Variants in CACNA1C observed in about 807,000 individuals in gnomAD.
CACNA1C encodes calcium voltage-gated channel subunit alpha1 C.
Under a neutral mutation model 229.0 loss-of-function variants are expected in CACNA1C, and 30 were observed. That is an observed-to-expected ratio of 0.13 (90% confidence interval 0.10 to 0.18). The LOEUF is 0.18. CACNA1C is among the 10% of genes least tolerant of loss of function. The pLI is 1.00. For synonymous variants in CACNA1C, 1,114 were observed against 1,132.5 expected, an observed-to-expected ratio of 0.98 and a Z score of 0.33; for missense variants, 1,658 against 2,845.0, an observed-to-expected ratio of 0.58 and a Z score of 9.49.
intron 3 of CACNA1C, among the ~76,000 whole-genome samples, chr12:2,424,484 T>C (rs2099009768): frequency 6.6e-6 from 1 of 152,192 alleles, no homozygotes; most frequent in Non-Finnish European, 1.5e-5. Context: ...TTTGGTGTCT[T>C]GGCTAAAAAT....
At chr12:2,565,212 T>G (rs561547756) in intron 11 of CACNA1C, among the ~76,000 whole-genome samples, 7 of 152,110 alleles carry the variant, frequency 4.6e-5, no homozygotes, top group South Asian at 2.1e-4. Flanking sequence ...CTCACGCCTG[T>G]AATCCCAGCA....
chr12:1,982,539 A>ATG (rs1467226370), intron 1 of CACNA1C, among the ~76,000 whole-genome samples: 5 of 62,678 alleles, frequency 8.0e-5, no homozygotes, highest in Non-Finnish European at 1.2e-4. Context: ...GTTGTACTAT[A>ATG]TATATAATTT....
At chr12:2,046,068 C>T (rs1445793580) in intron 1 of CACNA1C, among the ~76,000 whole-genome samples, 1 of 152,044 alleles carries the variant, frequency 6.6e-6, no homozygotes, top group Non-Finnish European at 1.5e-5. Context: ...AAGGGGTTCT[C>T]CCTGAGAGCC....
intron 3 of CACNA1C, among the ~76,000 whole-genome samples, chr12:2,368,553 AG>A (rs903876128): frequency 6.6e-6 from 1 of 152,264 alleles, no homozygotes; most frequent in Non-Finnish European, 1.5e-5. Context: ...AAATGTGCTT[AG>A]GGAAAATATT....
At chr12:2,507,980 T>TCAGCA in intron 8 of CACNA1C, among the ~76,000 whole-genome samples, 1 of 152,200 alleles carries the variant, frequency 6.6e-6, no homozygotes, top group East Asian at 1.9e-4. Context: ...ACAGAAGCAA[T>TCAGCA]CAGCACAGAC....
At chr12:2,185,570 A>G (rs935586262) in intron 3 of CACNA1C, among the ~76,000 whole-genome samples, 6 of 152,230 alleles carry the variant, frequency 3.9e-5, no homozygotes, top group Non-Finnish European at 8.8e-5. Context: ...ACTTGGACAC[A>G]GACACACATG....
rs998321654 is a variant in CACNA1C at position 2,689,151 on chromosome 12, G to A, written c.6117+372G>A. Among the ~76,000 whole-genome samples the A allele has an allele frequency of 2.0e-5, 3 of 152,164 alleles. No individual in the cohort carries two copies. The highest frequency in any genetic ancestry group is 6.5e-5 in the Admixed American group (1 of 15,278). On this transcript the variant is annotated intron_variant, in intron 46 of 46. Transcript: ENST00000399655. The surrounding 1 kb of genome is among the most constrained non-coding windows in gnomAD (Gnocchi z 4.2). ...ATCACCTGGGGAGCTTTGGAAACCC[G>A]GGACAGATTAACTGATGATTGTTAA...
At position 2,605,876 on chromosome 12, in the gene CACNA1C, C is replaced by G; in HGVS notation, c.3156+90C>G. The stretch of plus-strand genomic sequence containing the variant: ...ACTGGCAGATATAGTACAAACGAGA[C>G]AGTGTCCTGAGCCAGACTTGGCTTG... On this transcript the variant is annotated intron_variant, in intron 24 of 46. Coordinates refer to ENST00000399655, the MANE Select transcript of CACNA1C (RefSeq NM_000719.7). This position sits in a 1 kb window ranked among gnomAD's most constrained non-coding sequence, Gnocchi z 6.2. The G allele has an allele frequency of 1.1e-6, 1 of 914,304 alleles. No homozygotes were observed. The highest frequency in any genetic ancestry group is 1.3e-5 in the South Asian group (1 of 74,436). 56.6% of individuals were successfully genotyped at this position (914,304 alleles called of 1,614,324 possible).
chr12:2,506,857 C>T (rs2099772985), intron 8 of CACNA1C, among the ~76,000 whole-genome samples: 1 of 152,102 alleles, frequency 6.6e-6, no homozygotes, highest in South Asian at 2.1e-4. Context: ...GAGCAAGTAA[C>T]CCCCCACCAA....
intron 9 of CACNA1C, among the ~76,000 whole-genome samples, chr12:2,524,746 G>C (rs1364946608): frequency 6.6e-6 from 1 of 152,224 alleles, no homozygotes; most frequent in Non-Finnish European, 1.5e-5. Context: ...GGAGGCTTCA[G>C]CAGCCAGGCC....
rs2099767639 is a variant in CACNA1C, at chr12:2,504,608, T to C, written c.1114-234T>C. On this transcript the variant is annotated intron_variant, in intron 7 of 46. Transcript: ENST00000399655. The surrounding 1 kb of genome is among the most constrained non-coding windows in gnomAD (Gnocchi z 6.8). ...AAGGTCTCAGGTTCCACTCCGTACATGCCCGGGGTCCTCAGGGATGGGACC... is the reference window on the plus strand; with the variant it reads ...AAGGTCTCAGGTTCCACTCCGTACACGCCCGGGGTCCTCAGGGATGGGACC... The C allele has an allele frequency of 1.1e-6, 1 of 951,192 alleles. No homozygotes were observed. The highest frequency in any genetic ancestry group is 1.7e-6 in the Non-Finnish European group (1 of 579,222). The allele number at this position is 951,192 out of a possible 1,614,324, so 58.9% of individuals were successfully genotyped here. A position where few individuals can be genotyped will look rare whatever the true frequency, so the allele number is the denominator to read the frequency against.
chr12:2,486,340 C>A lies in CACNA1C; in HGVS notation c.916+78C>A. 8.0e-7 allele frequency: 1 copy of A among 1,248,622 alleles called. No homozygotes were observed. The highest frequency in any genetic ancestry group is 1.1e-6 in the Non-Finnish European group (1 of 887,222). 77.3% of individuals were successfully genotyped at this position (1,248,622 alleles called of 1,614,324 possible). On this transcript the variant is annotated intron_variant, in intron 6 of 46. Transcript: ENST00000399655. The surrounding 1 kb of genome is among the most constrained non-coding windows in gnomAD (Gnocchi z 4.9). ...GCACCTTTCCCGCTGCTGGCTACAC[C>A]AACATGACCAGCAGAGCCCAGGGAA... is the stretch of plus-strand genomic sequence containing the variant.
chr12:2,327,553 C>G (rs1418719225), intron 3 of CACNA1C, among the ~76,000 whole-genome samples: 1 of 152,218 alleles, frequency 6.6e-6, no homozygotes, highest in Non-Finnish European at 1.5e-5. Context: ...CAGACGACCT[C>G]CACACTCCAT....
At position 2,488,816 on chromosome 12, in the gene CACNA1C, C is replaced by G. The variant is rs1168640644; in HGVS notation, c.916+2554C>G. The stretch of plus-strand genomic sequence containing the variant: ...ACACAGCTGCAGAAGCCTGTCCTCT[C>G]AAATACTCTGCAATCAGGAGCTTGC... On this transcript the variant is annotated intron_variant, in intron 6 of 46. Transcript: ENST00000399655. The surrounding 1 kb of genome is among the most constrained non-coding windows in gnomAD (Gnocchi z 4.0). Among the ~76,000 whole-genome samples, 1 of 152,204 alleles carries G rather than the reference C, an allele frequency of 6.6e-6. No individual in the cohort carries two copies. The highest frequency in any genetic ancestry group is 1.9e-4 in the East Asian group (1 of 5,192).
At chr12:2,107,573 G>T (rs2079629593) in intron 1 of CACNA1C, among the ~76,000 whole-genome samples, 1 of 152,282 alleles carries the variant, frequency 6.6e-6, no homozygotes, top group African/African-American at 2.4e-5. Context: ...CTCTCGCTTA[G>T]GCTGGAGGGG....
intron 3 of CACNA1C, among the ~76,000 whole-genome samples, chr12:2,142,198 G>T (rs917077224): frequency 6.6e-6 from 1 of 151,232 alleles, no homozygotes; most frequent in Non-Finnish European, 1.5e-5. Context: ...GTGTGGGGTG[G>T]ATCATACAGT....
At chr12:2,641,574 C>A in intron 30 of CACNA1C, 1 of 608,622 alleles carries the variant, frequency 1.6e-6, no homozygotes, top group Non-Finnish European at 3.0e-6. Flanking sequence ...TTCCCACTTT[C>A]GGCAACAGCC....
Position 2,343,285 on chromosome 12 carries a change from G to GAGATT in CACNA1C, c.478-105690_478-105686dup, listed in dbSNP as rs1448822622. On this transcript the variant is annotated intron_variant, in intron 3 of 46. Coordinates refer to ENST00000399655, the MANE Select transcript of CACNA1C (RefSeq NM_000719.7). ...AGTCTCTCCTTTGGAGACAGTGTTT[G>GAGATT]AGATTTAGTGCCTGGGTTTTGTGGC... 2.6e-5 allele frequency among the ~76,000 whole-genome samples: 4 copies of GAGATT among 152,238 alleles called. No individual in the cohort carries two copies. The East Asian group carries it at 5.8e-4, about 22-fold the overall frequency.
intron 10 of CACNA1C, among the ~76,000 whole-genome samples, chr12:2,551,219 T>C (rs1197493079): frequency 1.3e-5 from 2 of 151,954 alleles, no homozygotes; most frequent in African/African-American, 4.8e-5. Context: ...ACTCTGGCTG[T>C]TGGGCAGGCC....
Sources: gnomAD v4.1 joint callset for allele counts (sites outside exome capture counted in the v4.1 genomes callset) on GRCh38, gnomAD v4.1.1 for gene constraint, Gnocchi (gnomAD v3.1) non-coding constraint, MANE v1.5 for transcripts, NCBI Gene and HGNC (gene_info 2026-07-23, HGNC 2026-07-21) for gene names.